The following BABAM2 variants were observed in gnomAD, a reference collection of about 807,000 sequenced individuals.
BABAM2 encodes BRISC and BRCA1 A complex member 2.
Under a neutral mutation model 54.7 loss-of-function variants are expected in BABAM2, and 31 were observed. That is an observed-to-expected ratio of 0.57 (90% CI 0.43 to 0.77). The LOEUF (loss-of-function observed/expected upper bound fraction) is 0.77, where lower values mean the gene tolerates loss of function less well. Ranked by LOEUF, BABAM2 falls within the 30% of genes least tolerant of loss-of-function variation. BABAM2 has a pLI of 0.00. For synonymous variants in BABAM2, 167 were observed against 162.9 expected, an observed-to-expected ratio of 1.03 and a Z score of -0.19; for missense variants, 364 against 455.8, an observed-to-expected ratio of 0.80 and a Z score of 1.83.
intron 6 of BABAM2, among the ~76,000 whole-genome samples, chr2:28,080,902 A>G (rs891256229): frequency 1.1e-4 from 17 of 152,164 alleles, no homozygotes; most frequent in Non-Finnish European, 2.4e-4. Flanking sequence ...TGAAGTTAGG[A>G]AAGTGTTGTG....
At chr2:28,284,524 G>A (rs1207008789) in intron 10 of BABAM2, among the ~76,000 whole-genome samples, 5 of 152,096 alleles carry the variant, frequency 3.3e-5, no homozygotes, top group Non-Finnish European at 7.4e-5. Context: ...CTGTCTGACC[G>A]AGGTTTCATC....
chr2:28,289,044 G>A (rs72786716), intron 10 of BABAM2, among the ~76,000 whole-genome samples: 22,220 of 147,652 alleles, frequency 0.15, 2,808 homozygotes, highest in African/African-American at 0.35. Context: ...TCAAAGTAAT[G>A]TTTATCTGTT....
At chr2:28,244,648 A>T (rs975607694) in intron 9 of BABAM2, 132 bp from the exon 10 acceptor site, 9 of 737,844 alleles carry the variant, frequency 1.2e-5, no homozygotes, top group Middle Eastern at 3.9e-4. Flanking sequence ...ATTAATCCTC[A>T]CTTGCCTTAA....
chr2:28,103,382 A>G (rs1275956259), intron 6 of BABAM2, among the ~76,000 whole-genome samples: 2 of 152,082 alleles, frequency 1.3e-5, no homozygotes, highest in Admixed American at 6.6e-5. Flanking sequence ...GTGTGATCAC[A>G]TATCACTAGA....
At chr2:27,970,733 T>C (rs1362666642) in intron 3 of BABAM2, among the ~76,000 whole-genome samples, 1 of 152,152 alleles carries the variant, frequency 6.6e-6, no homozygotes, top group African/African-American at 2.4e-5. Flanking sequence ...AGATCTGTGA[T>C]CCAGTGAAAG....
chr2:28,241,647 A>C (rs1682443418), intron 9 of BABAM2, among the ~76,000 whole-genome samples: 1 of 152,136 alleles, frequency 6.6e-6, no homozygotes, highest in Non-Finnish European at 1.5e-5. Context: ...GGCATGGGCC[A>C]CCACACCCAG....
intron 7 of BABAM2, among the ~76,000 whole-genome samples, chr2:28,184,518 C>G (rs1466620475): frequency 7.1e-6 from 1 of 141,164 alleles, no homozygotes; most frequent in Non-Finnish European, 1.5e-5. Context: ...GTGATGTTCC[C>G]CTTCCTGTGT....
At chr2:27,931,985 G>A (rs1668130810) in intron 3 of BABAM2, among the ~76,000 whole-genome samples, 2 of 152,052 alleles carry the variant, frequency 1.3e-5, no homozygotes, top group African/African-American at 4.8e-5. Context: ...TTGCTTGAAC[G>A]ATTGCTCTGG....
At chr2:27,956,059 A>G (rs1377959311) in intron 3 of BABAM2, among the ~76,000 whole-genome samples, 2 of 152,102 alleles carry the variant, frequency 1.3e-5, no homozygotes, top group Non-Finnish European at 1.5e-5. Flanking sequence ...AAGAGGATAC[A>G]ACCTCATGCA....
intron 11 of BABAM2, among the ~76,000 whole-genome samples, chr2:28,306,568 AT>A (rs1688537559): frequency 6.6e-6 from 1 of 151,492 alleles, no homozygotes; most frequent in African/African-American, 2.4e-5. Flanking sequence ...CATGGTATAT[AT>A]TTTTTTCATC....
intron 6 of BABAM2, among the ~76,000 whole-genome samples, chr2:28,125,052 G>A (rs1416601891): frequency 2.0e-5 from 3 of 152,024 alleles, no homozygotes; most frequent in Non-Finnish European, 4.4e-5. Flanking sequence ...AAAGCAAGAT[G>A]GATAATGGAT....
In BABAM2 at chr2:28,325,671, G is replaced by A; in HGVS notation, c.1089-12779G>A. On this transcript the variant is annotated intron_variant, in intron 11 of 11. Coordinates refer to ENST00000379624, the MANE Select transcript of BABAM2 (RefSeq NM_199191.3). This position sits in a 1 kb window ranked among gnomAD's most constrained non-coding sequence, Gnocchi z 4.3. ...GTGATTTCAGCTGTCAGGGGGATAA[G>A]GGTGAAGAGAGGAGGGACCATGGCC... 6.6e-6 allele frequency among the ~76,000 whole-genome samples: 1 copy of A among 152,190 alleles called. No homozygotes were observed. The highest frequency in any genetic ancestry group is 1.9e-4 in the East Asian group (1 of 5,202).
At position 28,162,089 on chromosome 2, in the gene BABAM2, C is replaced by T. The variant is rs574504580; in HGVS notation, c.680+32709C>T. ...AAATACTAGTGATTTCAAATGAAAC[C>T]TTTTCAATTAATGAGCAAGTGGCAA... On this transcript the variant is annotated intron_variant, in intron 7 of 11. Transcript: ENST00000379624. Among the ~76,000 whole-genome samples the T allele has an allele frequency of 6.6e-5, 10 of 152,110 alleles. No homozygotes were observed. In the South Asian group the frequency reaches 1.9e-3, roughly 29 times the overall value.
intron 4 of BABAM2, among the ~76,000 whole-genome samples, chr2:28,015,481 C>G (rs867253744): frequency 6.6e-6 from 1 of 151,886 alleles, no homozygotes; most frequent in Middle Eastern, 3.4e-3. Context: ...AATTTTATTC[C>G]CAAATATCTT....
chr2:28,296,712 G>A (rs1468995789), intron 10 of BABAM2, among the ~76,000 whole-genome samples: 1 of 152,102 alleles, frequency 6.6e-6, no homozygotes, highest in African/African-American at 2.4e-5. Flanking sequence ...TTTTAAGACG[G>A]AGTCTCACTC....
chr2:28,076,455 T>G (rs895682938), intron 6 of BABAM2, among the ~76,000 whole-genome samples: 3 of 143,598 alleles, frequency 2.1e-5, no homozygotes, highest in Admixed American at 7.0e-5. Flanking sequence ...AAATTTTTAT[T>G]TTATATTTAT....
rs1043703101 is a variant in BABAM2 at position 27,973,265 on chromosome 2, T to G, written c.206-14728T>G. Among the ~76,000 whole-genome samples the G allele has an allele frequency of 2.0e-5, 3 of 152,164 alleles. No homozygotes were observed. The East Asian group carries it at 5.8e-4, about 29-fold the overall frequency. On this transcript the variant is annotated intron_variant, in intron 3 of 11. Transcript: ENST00000379624. Reference sequence around the variant, plus strand: ...ATTAACCCATATGGAGGTCATTTTCTTGTGTTTTAAAAAATTTGTTTATCT... The same window carrying G: ...ATTAACCCATATGGAGGTCATTTTCGTGTGTTTTAAAAAATTTGTTTATCT...
At chr2:28,042,978 C>T (rs1382153949) in intron 5 of BABAM2, among the ~76,000 whole-genome samples, 2 of 151,346 alleles carry the variant, frequency 1.3e-5, no homozygotes, top group African/African-American at 2.4e-5. Context: ...GAGCTGAGAT[C>T]GCGCCACTGC....
chr2:27,979,997 T>C (rs1421048383), intron 3 of BABAM2, among the ~76,000 whole-genome samples: 1 of 152,162 alleles, frequency 6.6e-6, no homozygotes, highest in Admixed American at 6.5e-5. Context: ...TATTTAACAT[T>C]TCTGTGATTT....
Sources: allele counts gnomAD v4.1 joint callset (sites outside exome capture counted in the v4.1 genomes callset), GRCh38; gene constraint gnomAD v4.1.1; non-coding constraint Gnocchi (gnomAD v3.1); transcripts MANE v1.5; gene names NCBI Gene and HGNC (gene_info 2026-07-23, HGNC 2026-07-21).